The following CBR4 variants were observed in gnomAD, a reference collection of about 807,000 sequenced individuals.
CBR4 encodes 3-oxoacyl-[acyl-carrier-protein] reductase.
Under a neutral mutation model 21.0 loss-of-function variants are expected in CBR4, and 22 were observed. That is an observed-to-expected ratio of 1.05 (90% confidence interval 0.75 to 1.50). The LOEUF is 1.50. Among genes scored for constraint, CBR4 ranks in the 40% most tolerant of loss-of-function variants. CBR4 has a pLI of 0.00. For synonymous variants in CBR4, 100 were observed against 104.4 expected (o/e 0.96, Z 0.26); for missense variants, 302 against 286.3 (o/e 1.05, Z -0.40).
chr4:168,918,610 G>A (rs542593220), intron 2 of CBR4, among the ~76,000 whole-genome samples: 26 of 152,208 alleles, frequency 1.7e-4, no homozygotes, highest in Admixed American at 3.3e-4. Flanking sequence ...GAGATCTGTT[G>A]TACAACATGG....
At chr4:168,990,465 C>T in intron 4 of CBR4, 137 bp from the exon 5 acceptor site, 1 of 697,184 alleles carries the variant, frequency 1.4e-6, no homozygotes, top group African/African-American at 1.8e-5. Flanking sequence ...GAGACAGGGT[C>T]TCACTCTGTC....
At chr4:168,933,863 T>C (rs1763031274) in intron 2 of CBR4, among the ~76,000 whole-genome samples, 1 of 152,092 alleles carries the variant, frequency 6.6e-6, no homozygotes, top group Non-Finnish European at 1.5e-5. Flanking sequence ...AAGAAGAATA[T>C]TCAAAACTGT....
intron 2 of CBR4, among the ~76,000 whole-genome samples, chr4:168,971,655 T>C (rs1205224793): frequency 6.6e-6 from 1 of 152,136 alleles, no homozygotes; most frequent in Non-Finnish European, 1.5e-5. Context: ...TTATTTGTTT[T>C]TTTCTTGCTG....
chr4:168,907,296 G>A (rs1758009260), intron 2 of CBR4, among the ~76,000 whole-genome samples: 1 of 152,180 alleles, frequency 6.6e-6, no homozygotes, highest in African/African-American at 2.4e-5. Context: ...GGAACCAGAT[G>A]TAAAGGATCA....
chr4:168,974,757 TGTC>T (rs1251294522), intron 2 of CBR4, among the ~76,000 whole-genome samples: 1 of 152,202 alleles, frequency 6.6e-6, no homozygotes, highest in East Asian at 1.9e-4. Context: ...AGATTATGAT[TGTC>T]TTTTCTTTAT....
chr4:168,912,279 CTCA>C (rs1220798136), intron 2 of CBR4, among the ~76,000 whole-genome samples: 1 of 152,218 alleles, frequency 6.6e-6, no homozygotes, highest in African/African-American at 2.4e-5. Flanking sequence ...ATGAGGGCTT[CTCA>C]TCAACTCTGA....
At position 168,989,958 on chromosome 4, in the gene CBR4, G is replaced by A. The variant is rs539542573; in HGVS notation, c.*192C>T. On this transcript the variant is annotated 3_prime_UTR_variant, in exon 5 of 5. Coordinates refer to ENST00000306193, the MANE Select transcript of CBR4 (RefSeq NM_032783.5). ...AACAAAACAACACTGATGTAACTTA[G>A]ACCAAAAAAAAAAAAACCACAATTT... is the stretch of plus-strand genomic sequence containing the variant. 2.8e-4 allele frequency: 347 copies of A among 1,220,286 alleles called. 3 individuals carry two copies. Among genetic ancestry groups the A allele is most frequent in the South Asian group, 7.2e-4 (22 of 30,536 alleles). The allele number at this position is 1,220,286 out of a possible 1,614,324, so 75.6% of individuals were successfully genotyped here.
chr4:168,991,700 C>G (rs1264843091), intron 4 of CBR4, among the ~76,000 whole-genome samples: 1 of 152,062 alleles, frequency 6.6e-6, no homozygotes, highest in African/African-American at 2.4e-5. Context: ...ACAGGACATA[C>G]AAATACGTAT....
At chr4:168,924,486 T>TC in intron 2 of CBR4, 2 of 1,389,946 alleles carry the variant, frequency 1.4e-6, no homozygotes, top group Non-Finnish European at 2.0e-6. Context: ...AAAAGATACA[T>TC]TTTATATAGC....
chr4:168,904,020 C>G, intron 2 of CBR4: 1 of 1,088,152 alleles, frequency 9.2e-7, no homozygotes, highest in Non-Finnish European at 1.4e-6. Context: ...ATTTATGAAA[C>G]TATTTTTCCA....
intron 2 of CBR4, among the ~76,000 whole-genome samples, chr4:168,959,562 T>TTTC (rs1381317813): frequency 1.3e-3 from 58 of 44,164 alleles, no homozygotes; most frequent in East Asian, 7.6e-3. Context: ...TATCAATTTC[T>TTTC]TTTTTTTTTT....
At chr4:168,896,104 G>A (rs1323938838) in intron 2 of CBR4, among the ~76,000 whole-genome samples, 1 of 152,082 alleles carries the variant, frequency 6.6e-6, no homozygotes, top group Non-Finnish European at 1.5e-5. Context: ...CAGCTACGCG[G>A]GAGGCTGAGA....
At chr4:168,975,369 T>C (rs1217510689) in intron 2 of CBR4, among the ~76,000 whole-genome samples, 2 of 152,172 alleles carry the variant, frequency 1.3e-5, no homozygotes, top group Admixed American at 6.5e-5. Flanking sequence ...CTGGTTTTCT[T>C]GAATGCTGGT....
chr4:168,941,242 G>T (rs989276386), intron 2 of CBR4, among the ~76,000 whole-genome samples: 1 of 152,068 alleles, frequency 6.6e-6, no homozygotes, highest in South Asian at 2.1e-4. Flanking sequence ...CAATTGATGG[G>T]TGCAGCAAAC....
At chr4:168,992,845 T>C (rs1219681352) in intron 4 of CBR4, among the ~76,000 whole-genome samples, 2 of 152,210 alleles carry the variant, frequency 1.3e-5, no homozygotes, top group African/African-American at 2.4e-5. Flanking sequence ...AGATAGTCTG[T>C]AATGAAGGCC....
intron 1 of CBR4, among the ~76,000 whole-genome samples, chr4:169,009,466 A>G (rs915011388): frequency 7.9e-5 from 12 of 152,250 alleles, no homozygotes; most frequent in African/African-American, 2.9e-4. Flanking sequence ...GCGCAGGGCC[A>G]AGGCACGGCC....
chr4:168,987,276 A>T (rs1764723026), downstream of CBR4, among the ~76,000 whole-genome samples: 1 of 152,256 alleles, frequency 6.6e-6, no homozygotes, highest in Non-Finnish European at 1.5e-5. Context: ...CTGATCAAGA[A>T]ATATTCCAAG....
chr4:168,933,858 G>T (rs892330263), intron 2 of CBR4, among the ~76,000 whole-genome samples: 1 of 152,008 alleles, frequency 6.6e-6, no homozygotes, highest in African/African-American at 2.4e-5. Flanking sequence ...ATAACAAGAA[G>T]AATATTCAAA....
chr4:168,948,256 A>T (rs1330829898), intron 2 of CBR4, among the ~76,000 whole-genome samples: 2 of 152,098 alleles, frequency 1.3e-5, no homozygotes, highest in Admixed American at 6.6e-5. Flanking sequence ...TTCACTGTAG[A>T]TTCTGGATAT....
Sources: allele counts gnomAD v4.1 joint callset (sites outside exome capture counted in the v4.1 genomes callset), GRCh38; gene constraint gnomAD v4.1.1; transcripts MANE v1.5; gene names NCBI Gene and HGNC (gene_info 2026-07-23, HGNC 2026-07-21).